The following ANKRD17 variants were observed in gnomAD, a reference collection of about 807,000 sequenced individuals.
ANKRD17 encodes ankyrin repeat domain 17, also known as ankyrin repeat domain-containing protein 17.
In ANKRD17, 19 loss-of-function variants were observed where a neutral mutation model predicts 229.7. The observed-to-expected ratio is 0.08, with a 90% CI of 0.06 to 0.12. ANKRD17 has a LOEUF of 0.12. Among genes scored for constraint, ANKRD17 ranks in the 10% least tolerant of loss-of-function variants. The probability of loss-of-function intolerance (pLI) is 1.00; values close to 1 mark genes in which losing one functional copy is unlikely to be tolerated. For missense variants in ANKRD17, 2,176 were observed against 3,176.8 expected, an observed-to-expected ratio of 0.68 and a Z score of 7.57; for synonymous variants, 1,112 against 1,146.1, an observed-to-expected ratio of 0.97 and a Z score of 0.60.
chr4:73,164,721 G>C (rs1439900268), intron 2 of ANKRD17, among the ~76,000 whole-genome samples: 1 of 151,900 alleles, frequency 6.6e-6, no homozygotes, highest in East Asian at 1.9e-4. Context: ...GAACCCGGGA[G>C]GTGAAGGTTG....
intron 29 of ANKRD17, among the ~76,000 whole-genome samples, chr4:73,089,865 A>C (rs1481532202): frequency 6.6e-6 from 1 of 152,178 alleles, no homozygotes. Context: ...TAAGCACTTA[A>C]ATATGGGTAG....
chr4:73,189,825 G>A (rs1736809351), intron 1 of ANKRD17, among the ~76,000 whole-genome samples: 1 of 151,942 alleles, frequency 6.6e-6, no homozygotes, highest in Admixed American at 6.6e-5. Context: ...AAAAAAAAAT[G>A]AACCTTTCAG....
intron 1 of ANKRD17, among the ~76,000 whole-genome samples, chr4:73,230,815 G>A (rs1742971423): frequency 6.6e-6 from 1 of 152,186 alleles, no homozygotes; most frequent in Admixed American, 6.5e-5. Context: ...TAATAGTTGT[G>A]TCTGTTGGAC....
intron 21 of ANKRD17, among the ~76,000 whole-genome samples, chr4:73,119,657 A>C (rs1223334638): frequency 6.6e-6 from 1 of 152,222 alleles, no homozygotes. Context: ...GGTCTTTGAG[A>C]GTGCACGAAA....
chr4:73,205,494 G>T (rs1739320148), intron 1 of ANKRD17, among the ~76,000 whole-genome samples: 1 of 152,066 alleles, frequency 6.6e-6, no homozygotes, highest in Non-Finnish European at 1.5e-5. Flanking sequence ...AATGTGAAAA[G>T]AACAGTAATT....
Position 73,169,462 on chromosome 4 carries a change from C to G in ANKRD17, c.547+7918G>C, listed in dbSNP as rs569120736. Among the ~76,000 whole-genome samples, 178 of 151,988 alleles carry G rather than the reference C, an allele frequency of 1.2e-3. 1 individual carries two copies. Among genetic ancestry groups the G allele is most frequent in the African/African-American group, 4.0e-3 (164 of 41,414 alleles). Reference sequence around the variant, plus strand: ...CAACTCAGGGCCTAGGGGAACTAGCCACCCTGAAGGGAAAAAAAAAAGTCT... The same window carrying G: ...CAACTCAGGGCCTAGGGGAACTAGCGACCCTGAAGGGAAAAAAAAAAGTCT... On this transcript the variant is annotated intron_variant, in intron 2 of 33. Coordinates refer to ENST00000358602, the MANE Select transcript of ANKRD17 (RefSeq NM_032217.5).
intron 29 of ANKRD17, among the ~76,000 whole-genome samples, chr4:73,086,613 A>G (rs1188977751): frequency 6.6e-6 from 1 of 151,508 alleles, no homozygotes; most frequent in Non-Finnish European, 1.5e-5. Context: ...TTTAGGAGAC[A>G]GCTTTCTCTG....
chr4:73,112,104 A>G (rs1261486263), intron 24 of ANKRD17, among the ~76,000 whole-genome samples: 1 of 152,200 alleles, frequency 6.6e-6, no homozygotes, highest in Non-Finnish European at 1.5e-5. Context: ...AGAAAGAGTA[A>G]TAAAAAACAA....
chr4:73,213,031 G>A (rs200001565), intron 1 of ANKRD17, among the ~76,000 whole-genome samples: 78 of 131,300 alleles, frequency 5.9e-4, no homozygotes, highest in South Asian at 2.0e-3. Flanking sequence ...CGTTTCAGGG[G>A]AAAAAAAAAA....
chr4:73,130,961 A>C (rs1560566129), intron 16 of ANKRD17, among the ~76,000 whole-genome samples: 1 of 152,208 alleles, frequency 6.6e-6, no homozygotes, highest in Non-Finnish European at 1.5e-5. Flanking sequence ...CAGAACCCAC[A>C]AATAAGTTTG....
intron 16 of ANKRD17, among the ~76,000 whole-genome samples, chr4:73,126,844 T>C (rs1487245670): frequency 1.3e-5 from 2 of 152,202 alleles, no homozygotes; most frequent in African/African-American, 4.8e-5. Flanking sequence ...CAACGCTCCC[T>C]GCCTCAGCTT....
chr4:73,184,258 C>T (rs913359378), intron 1 of ANKRD17, among the ~76,000 whole-genome samples: 91 of 152,008 alleles, frequency 6.0e-4, no homozygotes, highest in African/African-American at 2.0e-3. Flanking sequence ...TGGCCGGGTG[C>T]GGTGGCTCAC....
rs972302882 is a variant in ANKRD17, at chr4:73,085,163, T to C, written c.7159+86A>G. ...AAGAGTACAAATTACCTTTTTATGG[T>C]ATTAAAATTATGATGAGGTTTGAAA... On this transcript the variant is annotated intron_variant, in intron 30 of 33. Transcript: ENST00000358602. 6 of 1,369,338 alleles carry C rather than the reference T, an allele frequency of 4.4e-6. No homozygotes were observed. In the African/African-American group the frequency reaches 5.8e-5, roughly 13 times the overall value. 84.8% of individuals were successfully genotyped at this position (1,369,338 alleles called of 1,614,324 possible).
At chr4:73,179,891 C>G (rs2149007779) in intron 1 of ANKRD17, among the ~76,000 whole-genome samples, 1 of 151,970 alleles carries the variant, frequency 6.6e-6, no homozygotes, top group African/African-American at 2.4e-5. Context: ...AAAATTATAG[C>G]AGTAAAAAAA....
intron 18 of ANKRD17, among the ~76,000 whole-genome samples, 183 bp from the exon 19 acceptor site, chr4:73,121,942 C>T (rs959585616): frequency 2.0e-5 from 3 of 152,174 alleles, no homozygotes; most frequent in South Asian, 2.1e-4. Context: ...CAAAGAGATA[C>T]CTTCTCAAGT....
intron 10 of ANKRD17, among the ~76,000 whole-genome samples, chr4:73,145,415 A>T (rs956501937): frequency 2.6e-5 from 4 of 152,178 alleles, no homozygotes; most frequent in Non-Finnish European, 5.9e-5. Context: ...TCCCAAAAGG[A>T]TGGAGACTCT....
chr4:73,174,566 C>CT (rs1377547931), intron 2 of ANKRD17, among the ~76,000 whole-genome samples: 2 of 152,090 alleles, frequency 1.3e-5, no homozygotes, highest in African/African-American at 2.4e-5. Context: ...CAACACAGTA[C>CT]TGCAAGTCCT....
Position 73,258,786 on chromosome 4 carries a change from G to A in ANKRD17, c.-118C>T. ...GTGCCGCCTCCGCCGCCACCGCCTCGGTCACCTCTACTGCCGCCGCCGCCG... is the reference window on the plus strand; with the variant it reads ...GTGCCGCCTCCGCCGCCACCGCCTCAGTCACCTCTACTGCCGCCGCCGCCG... On this transcript the variant is annotated 5_prime_UTR_variant, in exon 1 of 34. Transcript: ENST00000358602. 5 of 1,306,382 alleles carry A rather than the reference G, an allele frequency of 3.8e-6. No individual in the cohort carries two copies. Among genetic ancestry groups the A allele is most frequent in the Non-Finnish European group, 4.8e-6 (5 of 1,032,186 alleles). 80.9% of individuals were successfully genotyped at this position (1,306,382 alleles called of 1,614,324 possible).
chr4:73,202,312 C>T (rs926939699), intron 1 of ANKRD17, among the ~76,000 whole-genome samples: 2 of 57,166 alleles, frequency 3.5e-5, no homozygotes, highest in African/African-American at 1.4e-4. Context: ...AAGGCAGGAA[C>T]AGGATTAAAA....
Sources: gnomAD v4.1 joint callset for allele counts (sites outside exome capture counted in the v4.1 genomes callset) on GRCh38, gnomAD v4.1.1 for gene constraint, MANE v1.5 for transcripts, NCBI Gene and HGNC (gene_info 2026-07-23, HGNC 2026-07-21) for gene names.